ATP9A: variants seen among roughly 807,000 people sequenced by gnomAD.
ATP9A encodes the protein probable phospholipid-transporting ATPase IIA.
In ATP9A, 52 loss-of-function variants were observed where a neutral mutation model predicts 144.1. The ratio of observed to expected loss-of-function variants is 0.36; its 90% CI spans 0.29 to 0.45. The LOEUF is 0.45. Ranked by LOEUF, ATP9A falls within the 20% of genes least tolerant of loss-of-function variation. The probability of loss-of-function intolerance (pLI) is 1.00; values close to 1 mark genes in which losing one functional copy is unlikely to be tolerated. For synonymous variants in ATP9A, 582 were observed against 557.4 expected (o/e 1.04, Z -0.62); for missense variants, 947 against 1,392.7 (o/e 0.68, Z 5.09).
intron 1 of ATP9A, among the ~76,000 whole-genome samples, chr20:51,748,974 A>ACAGACAGACAG (rs2077820247): frequency 6.4e-5 from 4 of 62,084 alleles, no homozygotes; most frequent in African/African-American, 2.6e-4. Flanking sequence ...CAGACAGACA[A>ACAGACAGACAG]ATAAAATGGA....
At position 51,607,510 on chromosome 20, in the gene ATP9A, T is replaced by C; in HGVS notation, c.2803+17A>G. 1 of 1,601,008 alleles carries C rather than the reference T, an allele frequency of 6.2e-7. No individual in the cohort carries two copies. The highest frequency in any genetic ancestry group is 8.6e-7 in the Non-Finnish European group (1 of 1,168,694). On this transcript the variant is annotated intron_variant, in intron 26 of 27. Transcript: ENST00000338821. ...TACCAGAGCACAAGACAAACAGGTG[T>C]CTCCACTCATCCTTACCTTGATAGA...
chr20:51,607,484 G>A lies in ATP9A; in HGVS notation c.2803+43C>T, dbSNP rs745436564. 7.2e-6 allele frequency: 11 copies of A among 1,528,090 alleles called. No homozygotes were observed. The South Asian group carries it at 1.0e-4, about 14-fold the overall frequency. 94.7% of individuals were successfully genotyped at this position (1,528,090 alleles called of 1,614,324 possible). A position where few individuals can be genotyped will look rare whatever the true frequency, so the allele number is the denominator to read the frequency against. ...GGCAAGAAGGGGACACCCTGAGTCA[G>A]TACCAGAGCACAAGACAAACAGGTG... On this transcript the variant is annotated intron_variant, in intron 26 of 27. Transcript: ENST00000338821.
Position 51,632,122 on chromosome 20 carries a change from C to T in ATP9A, c.1669-3050G>A, listed in dbSNP as rs6021333. Among the ~76,000 whole-genome samples, 1,078 of 152,084 alleles carry T rather than the reference C, an allele frequency of 7.1e-3. 11 individuals are homozygous for T. Among genetic ancestry groups the T allele is most frequent in the African/African-American group, 0.025 (1,022 of 41,468 alleles). ...TCTTGCTGTGTTGCCCAGGCTAGAGCGCAATGGCACAATCACGACTCACTA... is the reference window on the plus strand; with the variant it reads ...TCTTGCTGTGTTGCCCAGGCTAGAGTGCAATGGCACAATCACGACTCACTA... On this transcript the variant is annotated intron_variant, in intron 15 of 27. Transcript: ENST00000338821.
chr20:51,695,441 C>T (rs1300281067), intron 6 of ATP9A, among the ~76,000 whole-genome samples: 2 of 138,478 alleles, frequency 1.4e-5, no homozygotes, highest in Non-Finnish European at 1.5e-5. Flanking sequence ...CCAGCCTGGG[C>T]GACAGAGCAA....
At chr20:51,643,557 C>A (rs2143718) in intron 14 of ATP9A, among the ~76,000 whole-genome samples, 1 of 151,840 alleles carries the variant, frequency 6.6e-6, no homozygotes, top group African/African-American at 2.4e-5. Flanking sequence ...CCTTCTGCTG[C>A]GAGAGACAGA....
At chr20:51,697,249 G>A (rs199793431) in intron 5 of ATP9A, among the ~76,000 whole-genome samples, 175 bp downstream of exon 5, 1 of 119,096 alleles carries the variant, frequency 8.4e-6, no homozygotes, top group African/African-American at 2.9e-5. Context: ...GTGTGTGTGT[G>A]TCTGTGTGTG....
intron 14 of ATP9A, among the ~76,000 whole-genome samples, chr20:51,644,325 T>G (rs2077333166): frequency 7.4e-6 from 1 of 134,660 alleles, no homozygotes; most frequent in South Asian, 2.3e-4. Context: ...CAGGTTGGAG[T>G]GCAGTGGCGC....
chr20:51,674,402 G>C, intron 10 of ATP9A, 89 bp from the exon 11 acceptor site: 2 of 1,335,628 alleles, frequency 1.5e-6, no homozygotes, highest in Non-Finnish European at 2.1e-6. Context: ...GCAGTGAGCT[G>C]AGCCTCACTG....
chr20:51,664,875 A>AC (rs962156356), intron 13 of ATP9A, among the ~76,000 whole-genome samples: 9 of 140,614 alleles, frequency 6.4e-5, no homozygotes, highest in Non-Finnish European at 1.1e-4. Flanking sequence ...GCCCGCCACC[A>AC]CCCCCGGCTA....
At chr20:51,635,845 A>AAGG (rs2077289760) in intron 15 of ATP9A, among the ~76,000 whole-genome samples, 5 of 11,972 alleles carry the variant, frequency 4.2e-4, no homozygotes, top group Admixed American at 7.4e-4. Flanking sequence ...AGGGAGGGAA[A>AAGG]AAGGAAGGAA....
rs1381934862 is a variant in ATP9A at position 51,639,414 on chromosome 20, T to C, written c.1597A>G (p.Ile533Val). The C allele has an allele frequency of 6.2e-7, 1 of 1,614,072 alleles. No homozygotes were observed. Among genetic ancestry groups the C allele is most frequent in the South Asian group, 1.1e-5 (1 of 91,086 alleles). Residue 533 changes from isoleucine (I) to valine (V), a missense_variant, in exon 15 of 28, where the codon ATC (isoleucine) becomes GTC (valine). By Grantham distance (29) the Ile-to-Val change is conservative (BLOSUM62 3). Coordinates refer to ENST00000338821, the MANE Select transcript of ATP9A (RefSeq NM_006045.3). ...ATCTGTAGGATGGTGAAGTTCAGGA[T>C]CTGGTCGCCAGGGGTCCTCAGCTGC... is the stretch of plus-strand genomic sequence containing the variant. ...SMQLRTPGDQILNFTILQIFP... is the reference protein window; with the variant it reads ...SMQLRTPGDQVLNFTILQIFP...
rs1003652920 is a variant in ATP9A, at chr20:51,611,234, T to C, written c.2572-1069A>G. On this transcript the variant is annotated intron_variant, in intron 23 of 27. Coordinates refer to ENST00000338821, the MANE Select transcript of ATP9A (RefSeq NM_006045.3). The surrounding 1 kb of genome is among the most constrained non-coding windows in gnomAD (Gnocchi z 4.2). ...GAGAAAGCATGTAAGAAACACGTGC[T>C]TTCTCGGCACAGAGCTCAGAGCGCA... Among the ~76,000 whole-genome samples, 2 of 152,234 alleles carry C rather than the reference T, an allele frequency of 1.3e-5. No individual in the cohort carries two copies. The highest frequency in any genetic ancestry group is 2.4e-5 in the African/African-American group (1 of 41,458).
intron 14 of ATP9A, among the ~76,000 whole-genome samples, chr20:51,652,351 T>G (rs918267033): frequency 6.6e-6 from 1 of 152,260 alleles, no homozygotes; most frequent in Non-Finnish European, 1.5e-5. Context: ...TAGGAAATCC[T>G]GCTTTCTGTT....
chr20:51,629,368 T>C (rs1280610912), intron 15 of ATP9A, among the ~76,000 whole-genome samples: 3 of 152,244 alleles, frequency 2.0e-5, no homozygotes, highest in African/African-American at 7.2e-5. Context: ...TCACATGCTA[T>C]GATTTTAGAT....
Position 51,743,038 on chromosome 20 carries a change from T to C in ATP9A, c.69-13060A>G, listed in dbSNP as rs140292272. On this transcript the variant is annotated intron_variant, in intron 1 of 27. Transcript: ENST00000338821. ...AACTGTTGTCCCACGGTAGAAACCT[T>C]GAGCTTGGTGGCAAACTTACTACAA... 5.3e-3 allele frequency among the ~76,000 whole-genome samples: 811 copies of C among 152,296 alleles called. 13 individuals carry two copies. Among genetic ancestry groups the C allele is most frequent in the African/African-American group, 0.019 (769 of 41,550 alleles).
chr20:51,608,068 CATTAAA>C lies in ATP9A; in HGVS notation c.2745+444_2745+449del, dbSNP rs1367075002. Among the ~76,000 whole-genome samples the C allele has an allele frequency of 2.8e-5, 4 of 144,130 alleles. 1 individual carries two copies. In the South Asian group the frequency reaches 9.0e-4, roughly 32 times the overall value. The allele number at this position is 144,130 out of a possible 152,430, so 94.6% of individuals were successfully genotyped here. ...CAAAAAAAAAAAAAAAAAGAATTAA[CATTAAA>C]ATTAACATTACATGGGAATAAACCT... On this transcript the variant is annotated intron_variant, in intron 25 of 27. Transcript: ENST00000338821.
intron 13 of ATP9A, among the ~76,000 whole-genome samples, chr20:51,661,265 G>A (rs561091000): frequency 6.6e-6 from 1 of 152,244 alleles, no homozygotes; most frequent in Admixed American, 6.5e-5. Context: ...TGAGTCACCA[G>A]GAATGCCAGT....
At chr20:51,666,542 G>A (rs758463350) in intron 13 of ATP9A, among the ~76,000 whole-genome samples, 16 of 152,006 alleles carry the variant, frequency 1.1e-4, no homozygotes, top group African/African-American at 2.4e-4. Flanking sequence ...TTAGCCGGGC[G>A]TGGTGGCAGG....
intron 22 of ATP9A, among the ~76,000 whole-genome samples, chr20:51,614,438 G>A (rs1308021704): frequency 2.0e-5 from 3 of 151,920 alleles, no homozygotes; most frequent in Non-Finnish European, 2.9e-5. Context: ...GCAGCTGGGA[G>A]CACAGACATG....
Sources: allele counts gnomAD v4.1 joint callset (sites outside exome capture counted in the v4.1 genomes callset), GRCh38; gene constraint gnomAD v4.1.1; non-coding constraint Gnocchi (gnomAD v3.1); transcripts MANE v1.5; gene names NCBI Gene and HGNC (gene_info 2026-07-23, HGNC 2026-07-21).